SCD5: variants seen among roughly 807,000 people sequenced by gnomAD.
SCD5 encodes the protein stearoyl-CoA desaturase 5, also known as acyl-CoA-desaturase 4.
SCD5 carries 20 observed loss-of-function variants against 30.4 expected under a neutral mutation model. That is an observed-to-expected ratio of 0.66 (90% CI 0.46 to 0.96). The LOEUF (loss-of-function observed/expected upper bound fraction) is 0.96, where lower values mean the gene tolerates loss of function less well. Ranked by LOEUF, SCD5 falls within the 40% of genes least tolerant of loss-of-function variation. The pLI, the probability that SCD5 is intolerant of heterozygous loss-of-function variation, is 0.00. For missense variants in SCD5, 381 were observed against 443.3 expected, an observed-to-expected ratio of 0.86 and a Z score of 1.26; for synonymous variants, 173 against 176.4, an observed-to-expected ratio of 0.98 and a Z score of 0.16.
chr4:82,664,127 A>G (rs1396839742), intron 3 of SCD5, among the ~76,000 whole-genome samples: 3 of 152,222 alleles, frequency 2.0e-5, no homozygotes, highest in Non-Finnish European at 2.9e-5. Context: ...GTGCAGGGAC[A>G]GCTAAAAGCC....
intron 1 of SCD5, among the ~76,000 whole-genome samples, chr4:82,754,553 A>G (rs1300859898): frequency 2.0e-5 from 3 of 151,922 alleles, no homozygotes; most frequent in Non-Finnish European, 4.4e-5. Flanking sequence ...CACCCTCCTA[A>G]CCCGACAGGG....
At chr4:82,784,025 C>T (rs764031891) in intron 1 of SCD5, among the ~76,000 whole-genome samples, 2 of 151,974 alleles carry the variant, frequency 1.3e-5, no homozygotes, top group African/African-American at 2.4e-5. Context: ...ACGTATATAA[C>T]GTATATACAT....
Position 82,714,884 on chromosome 4 carries a change from C to CA in SCD5, c.233-9472dup, listed in dbSNP as rs1720191253. Among the ~76,000 whole-genome samples the CA allele has an allele frequency of 2.7e-5, 4 of 149,404 alleles. No homozygotes were observed. The South Asian group carries it at 8.3e-4, about 31-fold the overall frequency. ...CCAAGCAGTTTGGATAAGGGATACTCAACCTGTATGTAGCTAGAGAGATAG... is the reference window on the plus strand; with the variant it reads ...CCAAGCAGTTTGGATAAGGGATACTCAAACCTGTATGTAGCTAGAGAGATAG... On this transcript the variant is annotated intron_variant, in intron 1 of 4. Coordinates refer to ENST00000319540, the MANE Select transcript of SCD5 (RefSeq NM_001037582.3).
At chr4:82,747,062 G>A (rs952561736) in intron 1 of SCD5, among the ~76,000 whole-genome samples, 1 of 90,948 alleles carries the variant, frequency 1.1e-5, no homozygotes, top group African/African-American at 2.9e-5. Flanking sequence ...AAAAGTCTGG[G>A]CAACCTGCCC....
Position 82,636,815 on chromosome 4 carries a change from T to G in SCD5, c.578A>C (p.Lys193Thr). The G allele has an allele frequency of 6.2e-7, 1 of 1,611,222 alleles. No homozygotes were observed. Among genetic ancestry groups the G allele is most frequent in the Non-Finnish European group, 8.5e-7 (1 of 1,178,438 alleles). The stretch of plus-strand genomic sequence containing the variant: ...AAAGCACATGAGCACCACGGAGATC[T>G]TATAGTACCTACAGGGCAAGACACC... ...PVVRIQRKYY[K>T]ISVVLMCFVV... The change falls in exon 4 of 5, where the codon AAG (lysine) becomes ACG (threonine). Residue 193 changes from lysine to threonine, a missense_variant. Physicochemically the swap from Lys to Thr is moderately conservative, Grantham distance 78. Coordinates refer to ENST00000319540, the MANE Select transcript of SCD5 (RefSeq NM_001037582.3).
intron 2 of SCD5, among the ~76,000 whole-genome samples, chr4:82,699,934 A>G (rs1409802095): frequency 1.3e-5 from 2 of 151,800 alleles, no homozygotes; most frequent in African/African-American, 4.8e-5. Context: ...TGCTGGGATT[A>G]TAGGCATGGG....
chr4:82,664,999 C>CTCTCTCTATATATATATATA (rs1219554314), intron 3 of SCD5, among the ~76,000 whole-genome samples: 9 of 70,490 alleles, frequency 1.3e-4, no homozygotes, highest in Middle Eastern at 8.2e-3. Flanking sequence ...CTCTCTCTCT[C>CTCTCTCTATATATATATATA]TATATATATA....
At chr4:82,764,812 C>T (rs952926383) in intron 1 of SCD5, among the ~76,000 whole-genome samples, 3 of 151,600 alleles carry the variant, frequency 2.0e-5, no homozygotes, top group Non-Finnish European at 2.9e-5. Flanking sequence ...CTGCAACCTC[C>T]ACCTCCTGGG....
chr4:82,696,248 T>G (rs950587441), intron 2 of SCD5, among the ~76,000 whole-genome samples: 3 of 152,246 alleles, frequency 2.0e-5, no homozygotes, highest in African/African-American at 7.2e-5. Flanking sequence ...AAACTGCTGA[T>G]TCAATGACTC....
Position 82,776,604 on chromosome 4 carries a change from A to G in SCD5, c.232+21702T>C, listed in dbSNP as rs76281469. Among the ~76,000 whole-genome samples the G allele has an allele frequency of 1.4e-3, 206 of 152,216 alleles. 5 individuals are homozygous for G. Among genetic ancestry groups the G allele is most frequent in the East Asian group, 8.1e-3 (42 of 5,168 alleles). ...ATCCTCAACCTCCTGCTTGGAATTG[A>G]CCTGTGGTGAGCCAGCCTCTTCCAA... On this transcript the variant is annotated intron_variant, in intron 1 of 4. Coordinates refer to ENST00000319540, the MANE Select transcript of SCD5 (RefSeq NM_001037582.3).
At chr4:82,676,165 T>C (rs1728432640) in intron 3 of SCD5, among the ~76,000 whole-genome samples, 1 of 152,168 alleles carries the variant, frequency 6.6e-6, no homozygotes, top group Non-Finnish European at 1.5e-5. Flanking sequence ...GAAATGACAC[T>C]GAGAATGAAA....
chr4:82,736,390 G>A lies in SCD5; in HGVS notation c.233-30977C>T, dbSNP rs1720751882. 3.3e-5 allele frequency among the ~76,000 whole-genome samples: 5 copies of A among 151,662 alleles called. No individual in the cohort carries two copies. In the South Asian group the frequency reaches 1.0e-3, roughly 32 times the overall value. On this transcript the variant is annotated intron_variant, in intron 1 of 4. Transcript: ENST00000319540. ...TTGAGAGGCTGAGGCAGGTGGATCA[G>A]CCGAGGTCAGGAGTTCGAGACCAGC...
intron 1 of SCD5, among the ~76,000 whole-genome samples, chr4:82,778,540 G>A (rs556030919): frequency 6.6e-6 from 1 of 152,332 alleles, no homozygotes; most frequent in African/African-American, 2.4e-5. Context: ...CCTGGCCAGT[G>A]GGCCTCAACC....
intron 4 of SCD5, among the ~76,000 whole-genome samples, chr4:82,636,204 G>A (rs558449038): frequency 1.3e-4 from 20 of 152,120 alleles, no homozygotes; most frequent in African/African-American, 4.8e-4. Context: ...CCTCTGGCAG[G>A]CCAAGGAGGG....
At chr4:82,703,409 C>T (rs1719899935) in intron 2 of SCD5, among the ~76,000 whole-genome samples, 1 of 152,136 alleles carries the variant, frequency 6.6e-6, no homozygotes, top group Non-Finnish European at 1.5e-5. Context: ...CTACTATAAG[C>T]TTGGTACTTT....
Position 82,798,431 on chromosome 4 carries a change from G to A in SCD5, c.107C>T (p.Pro36Leu). 2 of 1,613,156 alleles carry A rather than the reference G, an allele frequency of 1.2e-6. No homozygotes were observed. Among genetic ancestry groups the A allele is most frequent in the South Asian group, 1.1e-5 (1 of 91,032 alleles). The change falls in exon 1 of 5, where the codon CCA becomes CTA. Residue 36 changes from proline to leucine, a missense_variant. Pro to Leu is a moderately conservative substitution (Grantham distance 98). Transcript: ENST00000319540. ...GTTCTGCCGCTGCCCGCGCGCGCCTGGCCTCTCCGGGCCGCCGCCGCCCTC... is the reference window on the plus strand; with the variant it reads ...GTTCTGCCGCTGCCCGCGCGCGCCTAGCCTCTCCGGGCCGCCGCCGCCCTC... ...SSEGGGGPER[P>L]GARGQRQNIV...
chr4:82,644,912 C>T (rs1727608533), intron 3 of SCD5, among the ~76,000 whole-genome samples: 1 of 152,182 alleles, frequency 6.6e-6, no homozygotes, highest in Non-Finnish European at 1.5e-5. Flanking sequence ...AGATTAACAA[C>T]CACTCTAACA....
intron 3 of SCD5, among the ~76,000 whole-genome samples, chr4:82,671,523 T>C (rs1296543420): frequency 1.3e-5 from 2 of 152,086 alleles, no homozygotes; most frequent in African/African-American, 2.4e-5. Flanking sequence ...TTTAAAAGAA[T>C]AGAAATTATA....
chr4:82,712,297 T>TACATATATATATATATATACGTA (rs1560540874), intron 1 of SCD5, among the ~76,000 whole-genome samples: 1 of 33,766 alleles, frequency 3.0e-5, no homozygotes, highest in Non-Finnish European at 6.3e-5. Flanking sequence ...TATATATATA[T>TACATATATATATATATATACGTA]TTTATTTTTA....
Sources: allele counts gnomAD v4.1 joint callset (sites outside exome capture counted in the v4.1 genomes callset), GRCh38; gene constraint gnomAD v4.1.1; transcripts MANE v1.5; gene names NCBI Gene and HGNC (gene_info 2026-07-23, HGNC 2026-07-21).